Variants in CEP295NL observed in about 807,000 individuals in gnomAD.
CEP295NL encodes CEP295 N-terminal like.
In CEP295NL, 3 loss-of-function variants were observed where a neutral mutation model predicts 4.6. That is an observed-to-expected ratio of 0.65 (90% CI 0.30 to 1.69). The LOEUF (loss-of-function observed/expected upper bound fraction) is 1.69. Ranked by LOEUF, CEP295NL falls within the 40% of genes most tolerant of loss-of-function variation. The pLI, the probability that CEP295NL is intolerant of heterozygous loss-of-function variation, is 0.10. For synonymous variants in CEP295NL, 295 were observed against 312.2 expected (o/e 0.94, Z 0.58); for missense variants, 719 against 769.0 (o/e 0.93, Z 0.77).
Position 78,892,168 on chromosome 17 carries a change from C to T in CEP295NL, c.336G>A (p.Glu112=). ...CCTCCTGATACCCTCTCCTCAACTC[C>T]TCAGCCAAGCGCTGGAGCTGGTAGT... The part of the protein sequence containing the change: ...WKNYQLQRLA[E]ELRRGYQEAQ... The change falls in exon 3 of 3, where the codon GAG becomes GAA. Residue 112 remains glutamate, a synonymous_variant. Coordinates refer to ENST00000322630, the MANE Select transcript of CEP295NL (RefSeq NM_001243540.2). 1 of 1,551,010 alleles carries T rather than the reference C, an allele frequency of 6.4e-7. No homozygotes were observed. Among genetic ancestry groups the T allele is most frequent in the South Asian group, 1.2e-5 (1 of 84,066 alleles).
rs1315325490 is a variant in CEP295NL at position 78,891,551 on chromosome 17, C to T, written c.953G>A (p.Cys318Tyr). 6.4e-7 allele frequency: 1 copy of T among 1,550,906 alleles called. No homozygotes were observed. Among genetic ancestry groups the T allele is most frequent in the East Asian group, 2.4e-5 (1 of 40,926 alleles). The change falls in exon 3 of 3, where the codon TGC becomes TAC. Residue 318 changes from cysteine to tyrosine, a missense_variant. Cys to Tyr is a radical substitution (Grantham distance 194). Transcript: ENST00000322630. The surrounding 1 kb of genome is among the most constrained non-coding windows in gnomAD (Gnocchi z 4.5). Reference protein sequence around the residue: ...LGQLWPADSSCRREAVSPASQ... With the variant: ...LGQLWPADSSYRREAVSPASQ... Reference sequence around the variant, plus strand: ...TGCTGGGGACACGGCTTCCCTTCTGCAGCTGGAATCAGCTGGCCACAGCTG... The same window carrying T: ...TGCTGGGGACACGGCTTCCCTTCTGTAGCTGGAATCAGCTGGCCACAGCTG...
chr17:78,901,988 C>A (rs552230649), intron 1 of CEP295NL, 62 bp from the exon 2 acceptor site: 3 of 589,846 alleles, frequency 5.1e-6, no homozygotes, highest in Non-Finnish European at 9.2e-6. Flanking sequence ...AACTCCGTTT[C>A]TCTGAGTTCT....
At chr17:78,902,354 C>T (rs945702873) in intron 1 of CEP295NL, among the ~76,000 whole-genome samples, 4 of 152,186 alleles carry the variant, frequency 2.6e-5, no homozygotes, top group Admixed American at 2.0e-4. Context: ...GTGATCCACT[C>T]GCCTCGGCCT....
rs749012703 is a variant in CEP295NL, at chr17:78,892,069, G to A, written c.435C>T (p.Ala145=). The A allele has an allele frequency of 6.4e-7, 1 of 1,551,720 alleles. No individual in the cohort carries two copies. The highest frequency in any genetic ancestry group is 1.2e-5 in the South Asian group (1 of 84,096). The part of the protein sequence containing the change: ...ARLLGWGGGR[A]RENEPDSQGP... Reference sequence around the variant, plus strand: ...CCTGCGAGTCAGGCTCATTTTCCCTGGCCCGTCCTCCTCCCCAGCCCAACA... The same window carrying A: ...CCTGCGAGTCAGGCTCATTTTCCCTAGCCCGTCCTCCTCCCCAGCCCAACA... Residue 145 remains alanine, a synonymous_variant, in exon 3 of 3, where the codon GCC becomes GCT. Transcript: ENST00000322630.
chr17:78,898,942 C>G (rs948458930), intron 2 of CEP295NL: 2 of 152,042 alleles, frequency 1.3e-5, no homozygotes, highest in Non-Finnish European at 2.9e-5. Context: ...TTCACCATGC[C>G]GGCCAGGCTG....
At position 78,891,755 on chromosome 17, in the gene CEP295NL, AGGT is replaced by A; in HGVS notation, c.746_748del (p.Asp249_Leu250delinsVal). On this transcript the variant is annotated inframe_deletion, in exon 3 of 3. Coordinates refer to ENST00000322630, the MANE Select transcript of CEP295NL (RefSeq NM_001243540.2). This position sits in a 1 kb window ranked among gnomAD's most constrained non-coding sequence, Gnocchi z 4.5. ...AGCCACGAGTGGGTTTGACCTTTCT[AGGT>A]CCGCCCCTTTGCTCCTCCGAGGATG... 3 of 1,551,060 alleles carry A rather than the reference AGGT, an allele frequency of 1.9e-6. No individual in the cohort carries two copies. Among genetic ancestry groups the A allele is most frequent in the Non-Finnish European group, 2.6e-6 (3 of 1,147,096 alleles).
chr17:78,896,113 G>A lies in CEP295NL; in HGVS notation c.45-3654C>T, dbSNP rs1312303487. On this transcript the variant is annotated intron_variant, in intron 2 of 2. Coordinates refer to ENST00000322630, the MANE Select transcript of CEP295NL (RefSeq NM_001243540.2). The surrounding 1 kb of genome is among the most constrained non-coding windows in gnomAD (Gnocchi z 4.4). ...CAGCCAGCTCCATCCTTCAGGAATC[G>A]ATCCCCGCTCTGACACCATCAGATG... 6.6e-6 allele frequency among the ~76,000 whole-genome samples: 1 copy of A among 152,184 alleles called. No individual in the cohort carries two copies. Among genetic ancestry groups the A allele is most frequent in the Non-Finnish European group, 1.5e-5 (1 of 68,038 alleles).
At position 78,893,054 on chromosome 17, in the gene CEP295NL, CAT is replaced by C. The variant is rs777031836; in HGVS notation, c.45-597_45-596del. Reference sequence around the variant, plus strand: ...ACGGGGCAGGGAGGAGCCTGCCAAGCATGTGTGTGTGCAGGAGTGTGTGCACG... The same window carrying C: ...ACGGGGCAGGGAGGAGCCTGCCAAGCGTGTGTGTGCAGGAGTGTGTGCACG... On this transcript the variant is annotated intron_variant, in intron 2 of 2. Coordinates refer to ENST00000322630, the MANE Select transcript of CEP295NL (RefSeq NM_001243540.2). Among the ~76,000 whole-genome samples the C allele has an allele frequency of 1.1e-4, 16 of 152,228 alleles. 3 individuals are homozygous for C. Among genetic ancestry groups the C allele is most frequent in the East Asian group, 3.9e-4 (2 of 5,166 alleles).
chr17:78,892,092 A>T lies in CEP295NL; in HGVS notation c.412T>A (p.Leu138Met), dbSNP rs753134737. The T allele has an allele frequency of 4.5e-4, 696 of 1,551,800 alleles. 1 individual carries two copies. Among genetic ancestry groups the T allele is most frequent in the Non-Finnish European group, 5.3e-4 (606 of 1,147,850 alleles). ...GLDRLQSARLLGWGGGRAREN... is the reference protein window; with the variant it reads ...GLDRLQSARLMGWGGGRAREN... ...CTGGCCCGTCCTCCTCCCCAGCCCA[A>T]CAGACGTGCTGACTGCAGCCTGTCC... The change falls in exon 3 of 3, where the codon TTG (leucine) becomes ATG (methionine). Residue 138 changes from leucine to methionine, a missense_variant. Coordinates refer to ENST00000322630, the MANE Select transcript of CEP295NL (RefSeq NM_001243540.2).
At chr17:78,898,372 C>A (rs2070036493) in intron 2 of CEP295NL, 1 of 152,256 alleles carries the variant, frequency 6.6e-6, no homozygotes, top group South Asian at 2.1e-4. Flanking sequence ...AGCCTGCTGC[C>A]CAGGGAGGTC....
At position 78,890,895 on chromosome 17, in the gene CEP295NL, C is replaced by T. The variant is rs1386527943; in HGVS notation, c.1609G>A (p.Glu537Lys). Residue 537 changes from glutamate (E) to lysine (K), a missense_variant, in exon 3 of 3, where the codon GAG becomes AAG. By Grantham distance (56) the Glu-to-Lys change is moderately conservative. Coordinates refer to ENST00000322630, the MANE Select transcript of CEP295NL (RefSeq NM_001243540.2). ...DMSLEIHYKA[E>K]LEKERREQRR... ...TGCTCCCTCCTCTCTTTTTCTAGCT[C>T]AGCTTTGTAGTGGATTTCCAAGCTC... 1 of 1,550,680 alleles carries T rather than the reference C, an allele frequency of 6.4e-7. No individual in the cohort carries two copies. The highest frequency in any genetic ancestry group is 1.2e-5 in the South Asian group (1 of 84,060).
chr17:78,894,456 G>A (rs74002615), intron 2 of CEP295NL, among the ~76,000 whole-genome samples: 3,818 of 152,158 alleles, frequency 0.025, 141 homozygotes, highest in African/African-American at 0.087. Context: ...CAACCACCAT[G>A]ATGATCAAGA....
At chr17:78,893,490 G>T (rs1207714167) in intron 2 of CEP295NL, among the ~76,000 whole-genome samples, 1 of 149,142 alleles carries the variant, frequency 6.7e-6, no homozygotes, top group African/African-American at 2.5e-5. Context: ...TGTGTGCAGG[G>T]GTGTGTGCGC....
chr17:78,895,523 G>A (rs764722511), intron 2 of CEP295NL, among the ~76,000 whole-genome samples: 7 of 152,150 alleles, frequency 4.6e-5, no homozygotes, highest in Non-Finnish European at 5.9e-5. Flanking sequence ...CCCTGTGCAC[G>A]CTGCTGGTGG....
At chr17:78,894,942 C>T (rs991981336) in intron 2 of CEP295NL, among the ~76,000 whole-genome samples, 37 of 152,028 alleles carry the variant, frequency 2.4e-4, no homozygotes, top group Admixed American at 1.3e-3. Flanking sequence ...AACATATGAA[C>T]ACCTCTTACT....
At chr17:78,893,234 CAT>C (rs1451999688) in intron 2 of CEP295NL, among the ~76,000 whole-genome samples, 6 of 96,730 alleles carry the variant, frequency 6.2e-5, no homozygotes, top group African/African-American at 2.1e-4. Flanking sequence ...GGTGTGTGTG[CAT>C]GTGTGTGTAG....
chr17:78,896,691 T>TC lies in CEP295NL; in HGVS notation c.45-4233dup, dbSNP rs1430299463. On this transcript the variant is annotated intron_variant, in intron 2 of 2. Coordinates refer to ENST00000322630, the MANE Select transcript of CEP295NL (RefSeq NM_001243540.2). The surrounding 1 kb of genome is among the most constrained non-coding windows in gnomAD (Gnocchi z 4.4). ...TTCAACCACTCAGAGAAACCACAGC[T>TC]CCCCCCTCCGCAGAAGCCGCGCTCG... Among the ~76,000 whole-genome samples the TC allele has an allele frequency of 4.6e-5, 7 of 150,796 alleles. No individual in the cohort carries two copies. Among genetic ancestry groups the TC allele is most frequent in the Non-Finnish European group, 8.9e-5 (6 of 67,774 alleles).
chr17:78,890,797 G>A lies in CEP295NL; in HGVS notation c.1707C>T (p.Leu569=), dbSNP rs1398914786. 1 of 1,550,620 alleles carries A rather than the reference G, an allele frequency of 6.4e-7. No homozygotes were observed. The highest frequency in any genetic ancestry group is 1.2e-5 in the South Asian group (1 of 84,062). The change falls in exon 3 of 3, where the codon CTC becomes CTT. Residue 569 remains leucine, a synonymous_variant. Transcript: ENST00000322630. ...RAQERERGSE[L]STTSPSGTSL... is the part of the protein sequence containing the mutation. ...TGGTGCCCGATGGGGAAGTGGTGCT[G>A]AGCTCAGATCCTCTCTCCCTTTCCT...
rs563449571 is a variant in CEP295NL at position 78,896,991 on chromosome 17, C to T, written c.45-4532G>A. 9.2e-5 allele frequency: 91 copies of T among 985,386 alleles called. 1 individual carries two copies. The African/African-American group carries it at 1.4e-3, about 15-fold the overall frequency. The allele number at this position is 985,386 out of a possible 1,614,324, so 61.0% of individuals were successfully genotyped here. A position where few individuals can be genotyped will look rare whatever the true frequency, so the allele number is the denominator to read the frequency against. On this transcript the variant is annotated intron_variant, in intron 2 of 2. Coordinates refer to ENST00000322630, the MANE Select transcript of CEP295NL (RefSeq NM_001243540.2). The surrounding 1 kb of genome is among the most constrained non-coding windows in gnomAD (Gnocchi z 4.4). ...GCTTGAGAATGACGTCCAAGCAGCT[C>T]GCCTTTCCCTGGGCGGCCGCTCAGA...
Sources: allele counts gnomAD v4.1 joint callset (sites outside exome capture counted in the v4.1 genomes callset), GRCh38; gene constraint gnomAD v4.1.1; non-coding constraint Gnocchi (gnomAD v3.1); transcripts MANE v1.5; gene names NCBI Gene and HGNC (gene_info 2026-07-23, HGNC 2026-07-21).